Variants in GLIS3 observed in about 807,000 individuals in gnomAD.
GLIS3 encodes the protein GLIS family zinc finger 3.
A neutral mutation model predicts 78.6 loss-of-function variants in GLIS3; 53 were observed. The observed-to-expected ratio is 0.67, with a 90% CI of 0.54 to 0.85. GLIS3 has a LOEUF of 0.85. Ranked by LOEUF, GLIS3 falls within the 40% of genes least tolerant of loss-of-function variation. GLIS3 has a pLI of 0.00. For synonymous variants in GLIS3, 684 were observed against 509.9 expected (o/e 1.34, Z -4.60); for missense variants, 1,703 against 1,231.1 (o/e 1.38, Z -5.74).
At chr9:4,171,465 A>T (rs1383887631) in intron 2 of GLIS3, among the ~76,000 whole-genome samples, 1 of 152,208 alleles carries the variant, frequency 6.6e-6, no homozygotes, top group African/African-American at 2.4e-5. Flanking sequence ...GTGTCGAAAG[A>T]AAGAAAGGAA....
At chr9:4,212,136 G>C (rs986045584) in intron 2 of GLIS3, among the ~76,000 whole-genome samples, 3 of 152,180 alleles carry the variant, frequency 2.0e-5, no homozygotes, top group African/African-American at 7.2e-5. Flanking sequence ...CATATGCATC[G>C]AGTGGGTGAA....
At position 4,059,571 on chromosome 9, in the gene GLIS3, C is replaced by T. The variant is rs559548517; in HGVS notation, c.1710+58197G>A. Among the ~76,000 whole-genome samples, 20 of 152,316 alleles carry T rather than the reference C, an allele frequency of 1.3e-4. No homozygotes were observed. In the East Asian group the frequency reaches 3.5e-3, roughly 26 times the overall value. On this transcript the variant is annotated intron_variant, in intron 4 of 10. Coordinates refer to ENST00000381971, the MANE Select transcript of GLIS3 (RefSeq NM_001042413.2). ...TGGCCTTCTGCCTACCATCCTTCTG[C>T]ACTTGAACATCCATGGGAATAACCT...
chr9:4,403,354 G>T, the GLIS3 span, among the ~76,000 whole-genome samples: 1 of 152,142 alleles, frequency 6.6e-6, no homozygotes, highest in African/African-American at 2.4e-5. Flanking sequence ...TGACCAAGAA[G>T]AAATCATCTG....
At chr9:4,168,179 ACACACACACACACAGACG>A (rs1391448815) in intron 2 of GLIS3, among the ~76,000 whole-genome samples, 3 of 149,650 alleles carry the variant, frequency 2.0e-5, no homozygotes, top group South Asian at 4.4e-4. Context: ...TCTCTCTCTT[ACACACACACACACAGACG>A]CACACACACA....
At chr9:4,332,062 G>A (rs1392775475) in intron 2 of GLIS3, among the ~76,000 whole-genome samples, 2 of 152,096 alleles carry the variant, frequency 1.3e-5, no homozygotes, top group Admixed American at 6.5e-5. Flanking sequence ...GGTTAAAAAT[G>A]CTTAATTCCT....
chr9:4,365,086 G>C, the GLIS3 span, among the ~76,000 whole-genome samples: 1 of 152,124 alleles, frequency 6.6e-6, no homozygotes, highest in African/African-American at 2.4e-5. Context: ...TCTTTGTTCA[G>C]AGGATCCTGT....
At chr9:4,248,155 G>C (rs1408135038) in intron 2 of GLIS3, among the ~76,000 whole-genome samples, 1 of 152,026 alleles carries the variant, frequency 6.6e-6, no homozygotes, top group South Asian at 2.1e-4. Context: ...TTGTTACATA[G>C]GTATGCACGT....
In GLIS3 at chr9:3,826,351, G is replaced by A. The variant is rs1015382230; in HGVS notation, c.*1921C>T. ...TGAGCATGCATATGTTAGGCCACTT[G>A]TTTAGGCCAAGTGACACGACCCACA... On this transcript the variant is annotated 3_prime_UTR_variant, in exon 11 of 11. Coordinates refer to ENST00000381971, the MANE Select transcript of GLIS3 (RefSeq NM_001042413.2). The A allele has an allele frequency of 6.6e-6, 1 of 152,194 alleles. No individual in the cohort carries two copies. Among genetic ancestry groups the A allele is most frequent in the Non-Finnish European group, 1.5e-5 (1 of 68,036 alleles). 9.4% of individuals were successfully genotyped at this position (152,194 alleles called of 1,614,324 possible).
At chr9:4,002,799 C>G (rs928048655) in intron 4 of GLIS3, among the ~76,000 whole-genome samples, 1 of 152,124 alleles carries the variant, frequency 6.6e-6, no homozygotes, top group South Asian at 2.1e-4. Context: ...TTTTGTTTCC[C>G]TGGTGAAAAG....
intron 2 of GLIS3, among the ~76,000 whole-genome samples, chr9:4,177,429 A>G (rs1033518417): frequency 6.6e-6 from 1 of 152,218 alleles, no homozygotes; most frequent in Non-Finnish European, 1.5e-5. Flanking sequence ...TTTGGTTGAC[A>G]TACATGGTCA....
chr9:4,267,386 G>C (rs1254209671), intron 2 of GLIS3, among the ~76,000 whole-genome samples: 3 of 152,182 alleles, frequency 2.0e-5, no homozygotes, highest in Non-Finnish European at 4.4e-5. Flanking sequence ...GCTAAATCTT[G>C]AGATGAAATG....
the GLIS3 span, among the ~76,000 whole-genome samples, chr9:4,415,969 T>A: frequency 6.6e-6 from 1 of 151,220 alleles, no homozygotes; most frequent in Non-Finnish European, 1.5e-5. Context: ...ACTGCCATTT[T>A]AAAAAATACA....
chr9:4,476,420 G>T, the GLIS3 span, among the ~76,000 whole-genome samples: 1 of 152,000 alleles, frequency 6.6e-6, no homozygotes, highest in African/African-American at 2.4e-5. Context: ...GGAGTGCAAT[G>T]GCAGGATCTC....
chr9:4,185,716 T>A (rs916485747), intron 2 of GLIS3, among the ~76,000 whole-genome samples: 13 of 152,160 alleles, frequency 8.5e-5, no homozygotes, highest in Non-Finnish European at 1.6e-4. Context: ...AAGAAAGTGC[T>A]CTTTCTAGCT....
At chr9:4,358,487 A>G in the GLIS3 span, among the ~76,000 whole-genome samples, 3 of 152,206 alleles carry the variant, frequency 2.0e-5, no homozygotes, top group African/African-American at 4.8e-5. Context: ...TGGTGATGTT[A>G]GGAGTGGTGA....
chr9:4,437,999 G>A, the GLIS3 span, among the ~76,000 whole-genome samples: 1 of 152,148 alleles, frequency 6.6e-6, no homozygotes, highest in African/African-American at 2.4e-5. Flanking sequence ...TTCTCAGGGA[G>A]TCAAAAGTTA....
At chr9:4,467,850 G>T in the GLIS3 span, among the ~76,000 whole-genome samples, 1 of 152,028 alleles carries the variant, frequency 6.6e-6, no homozygotes, top group South Asian at 2.1e-4. Flanking sequence ...CGAGCTAAAG[G>T]AGGATGATCA....
At chr9:3,952,342 A>G (rs1459809300) in intron 4 of GLIS3, among the ~76,000 whole-genome samples, 1 of 152,054 alleles carries the variant, frequency 6.6e-6, no homozygotes, top group African/African-American at 2.4e-5. Flanking sequence ...GCTGATTTGA[A>G]CCAGAAGCCC....
chr9:4,366,827 A>G, the GLIS3 span, among the ~76,000 whole-genome samples: 1 of 152,298 alleles, frequency 6.6e-6, no homozygotes, highest in Non-Finnish European at 1.5e-5. Flanking sequence ...GAAAATGGCC[A>G]AACAGTTGAG....
Sources: allele counts gnomAD v4.1 joint callset (sites outside exome capture counted in the v4.1 genomes callset), GRCh38; gene constraint gnomAD v4.1.1; transcripts MANE v1.5; gene names NCBI Gene and HGNC (gene_info 2026-07-23, HGNC 2026-07-21).